DIP2B: variants seen among roughly 807,000 people sequenced by gnomAD.
The protein encoded by DIP2B is DIP2 acetate--CoA ligase B (putative).
In DIP2B, 76 loss-of-function variants were observed where a neutral mutation model predicts 198.0. The observed-to-expected ratio is 0.38, with a 90% CI of 0.32 to 0.46. DIP2B has a LOEUF of 0.46. Among genes scored for constraint, DIP2B ranks in the 20% least tolerant of loss-of-function variants. The pLI, the probability that DIP2B is intolerant of heterozygous loss-of-function variation, is 0.99. For synonymous variants in DIP2B, 701 were observed against 739.1 expected (o/e 0.95, Z 0.84); for missense variants, 1,559 against 1,978.4 (o/e 0.79, Z 4.02).
intron 1 of DIP2B, among the ~76,000 whole-genome samples, chr12:50,588,529 T>A (rs1958790288): frequency 6.6e-6 from 1 of 152,196 alleles, no homozygotes; most frequent in East Asian, 1.9e-4. Context: ...GTGTAGTAGT[T>A]ATTTCCTTAA....
intron 1 of DIP2B, among the ~76,000 whole-genome samples, chr12:50,595,161 T>C (rs1392074078): frequency 6.6e-6 from 1 of 152,188 alleles, no homozygotes. Context: ...TTGGCTCTAA[T>C]AATGAGAGCA....
At chr12:50,505,534 C>G (rs1255905822) in intron 1 of DIP2B, among the ~76,000 whole-genome samples, 1 of 152,180 alleles carries the variant, frequency 6.6e-6, no homozygotes, top group Non-Finnish European at 1.5e-5. Flanking sequence ...AAGCTGCGCC[C>G]TCCCGCTTCT....
intron 4 of DIP2B, 66 bp from the exon 5 acceptor site, chr12:50,671,120 A>G (rs1938844555): frequency 6.6e-7 from 1 of 1,504,428 alleles, no homozygotes; most frequent in African/African-American, 1.4e-5. Context: ...GTGATCAATG[A>G]GCAAGAACTG....
chr12:50,549,953 G>A (rs575164001), intron 1 of DIP2B, among the ~76,000 whole-genome samples: 54 of 152,152 alleles, frequency 3.5e-4, no homozygotes, highest in African/African-American at 1.3e-3. Flanking sequence ...GTACCTAGTT[G>A]TATGAAATTT....
chr12:50,717,614 G>A (rs1258331717), intron 23 of DIP2B, among the ~76,000 whole-genome samples: 4 of 150,740 alleles, frequency 2.7e-5, no homozygotes, highest in Non-Finnish European at 4.4e-5. Flanking sequence ...TGATCCGCCC[G>A]CCTCGGCCTC....
At chr12:50,506,918 TAGG>T (rs1262659250) in intron 1 of DIP2B, among the ~76,000 whole-genome samples, 1 of 152,204 alleles carries the variant, frequency 6.6e-6, no homozygotes, top group African/African-American at 2.4e-5. Flanking sequence ...AGATTAAAAA[TAGG>T]AGTTGATTGC....
chr12:50,738,436 G>C (rs1940176772), intron 35 of DIP2B, among the ~76,000 whole-genome samples: 1 of 152,120 alleles, frequency 6.6e-6, no homozygotes, highest in Non-Finnish European at 1.5e-5. Context: ...TTGAGGCCAG[G>C]AGTTTGAGGC....
chr12:50,666,023 T>C (rs1288991638), intron 4 of DIP2B, among the ~76,000 whole-genome samples: 2 of 152,210 alleles, frequency 1.3e-5, no homozygotes, highest in African/African-American at 4.8e-5. Context: ...CAGACCTCCA[T>C]AATAAATGTG....
intron 3 of DIP2B, among the ~76,000 whole-genome samples, chr12:50,650,418 G>T (rs893499134): frequency 1.3e-5 from 2 of 152,138 alleles, no homozygotes; most frequent in African/African-American, 2.4e-5. Context: ...TAGATCTCTA[G>T]AACTTCTTCA....
intron 1 of DIP2B, among the ~76,000 whole-genome samples, chr12:50,597,620 G>T (rs546121969): frequency 1.4e-4 from 22 of 152,188 alleles, no homozygotes; most frequent in Non-Finnish European, 2.8e-4. Flanking sequence ...AGTTTGAGAG[G>T]AGGAGAACAC....
intron 9 of DIP2B, among the ~76,000 whole-genome samples, chr12:50,681,512 A>G (rs957729624): frequency 1.3e-5 from 2 of 152,176 alleles, no homozygotes; most frequent in African/African-American, 4.8e-5. Flanking sequence ...AGGAAGATTC[A>G]TGTTACTTTT....
At chr12:50,706,424 C>A in intron 20 of DIP2B, 114 bp from the exon 21 acceptor site, 3 of 1,234,710 alleles carry the variant, frequency 2.4e-6, no homozygotes, top group Non-Finnish European at 3.4e-6. Flanking sequence ...TAAAATATGG[C>A]AGTTGTGTTT....
At chr12:50,660,090 C>CTT (rs79472721) in intron 3 of DIP2B, 104 bp from the exon 4 acceptor site, 495 of 923,122 alleles carry the variant, frequency 5.4e-4, no homozygotes, top group Middle Eastern at 8.7e-4. Flanking sequence ...TCCCCTTTAC[C>CTT]TTTTTTTTTT....
intron 1 of DIP2B, among the ~76,000 whole-genome samples, chr12:50,558,225 T>A (rs1405642557): frequency 1.3e-5 from 2 of 152,164 alleles, no homozygotes; most frequent in Non-Finnish European, 2.9e-5. Context: ...TTTCAAGATT[T>A]ATGGAGTTTT....
At chr12:50,635,242 C>T (rs528328914) in intron 2 of DIP2B, among the ~76,000 whole-genome samples, 158 of 152,242 alleles carry the variant, frequency 1.0e-3, no homozygotes, top group African/African-American at 1.1e-3. Flanking sequence ...TGACTTACTT[C>T]GTCTTTCACT....
At chr12:50,541,118 TAATA>T (rs1186993814) in intron 1 of DIP2B, among the ~76,000 whole-genome samples, 1 of 152,186 alleles carries the variant, frequency 6.6e-6, no homozygotes, top group Non-Finnish European at 1.5e-5. Context: ...AGATTTGCAT[TAATA>T]AATGTAGAAA....
chr12:50,589,593 G>GT (rs1958801536), intron 1 of DIP2B, among the ~76,000 whole-genome samples: 1 of 152,062 alleles, frequency 6.6e-6, no homozygotes, highest in South Asian at 2.1e-4. Flanking sequence ...TAGGGAAAGT[G>GT]TTTTTTAGGC....
At chr12:50,719,864 ATATAT>A (rs1415490674) in intron 25 of DIP2B, among the ~76,000 whole-genome samples, 1 of 147,652 alleles carries the variant, frequency 6.8e-6, no homozygotes, top group African/African-American at 2.5e-5. Flanking sequence ...GAAAAAATAT[ATATAT>A]TATATTAAAT....
intron 1 of DIP2B, among the ~76,000 whole-genome samples, chr12:50,530,413 A>C (rs1958206347): frequency 6.6e-6 from 1 of 152,222 alleles, no homozygotes; most frequent in African/African-American, 2.4e-5. Flanking sequence ...AAAGAGCATC[A>C]TATAGCATCT....
Sources: gnomAD v4.1 joint callset for allele counts (sites outside exome capture counted in the v4.1 genomes callset) on GRCh38, gnomAD v4.1.1 for gene constraint, MANE v1.5 for transcripts, NCBI Gene and HGNC (gene_info 2026-07-23, HGNC 2026-07-21) for gene names.